Variants in DBP observed in about 807,000 individuals in gnomAD.
The protein encoded by DBP is D-box binding PAR bZIP transcription factor.
A neutral mutation model predicts 21.4 loss-of-function variants in DBP; 12 were observed. The observed-to-expected ratio is 0.56, with a 90% CI of 0.36 to 0.91. The LOEUF is 0.91. Ranked by LOEUF, DBP falls within the 40% of genes least tolerant of loss-of-function variation. The pLI is 0.01. For synonymous variants in DBP, 213 were observed against 224.9 expected (o/e 0.95, Z 0.47); for missense variants, 423 against 473.4 (o/e 0.89, Z 0.99).
rs1276470161 is a variant in DBP at position 48,637,306 on chromosome 19, G to A, written c.-312C>T. ...CTCAAGGCGCTCCTTCTACAAGGTG[G>A]GCGAGCCTGGCTCTTGCAAAATCTG... On this transcript the variant is annotated 5_prime_UTR_variant, in exon 1 of 4. Transcript: ENST00000222122. The A allele has an allele frequency of 3.0e-6, 1 of 332,430 alleles. No homozygotes were observed. The highest frequency in any genetic ancestry group is 2.1e-5 in the African/African-American group (1 of 47,126). The allele number at this position is 332,430 out of a possible 1,614,324, so 20.6% of individuals were successfully genotyped here. A position where few individuals can be genotyped will look rare whatever the true frequency, so the allele number is the denominator to read the frequency against.
rs2301139 is a variant in DBP, at chr19:48,630,504, C to T, written c.*333G>A. 0.051 allele frequency: 78,390 copies of T among 1,530,384 alleles called. 3,891 individuals are homozygous for T. The highest frequency in any genetic ancestry group is 0.23 in the East Asian group (9,508 of 40,868). 94.8% of individuals were successfully genotyped at this position (1,530,384 alleles called of 1,614,324 possible). A position where few individuals can be genotyped will look rare whatever the true frequency, so the allele number is the denominator to read the frequency against. On this transcript the variant is annotated 3_prime_UTR_variant, in exon 4 of 4. Coordinates refer to ENST00000222122, the MANE Select transcript of DBP (RefSeq NM_001352.5). The surrounding 1 kb of genome is among the most constrained non-coding windows in gnomAD (Gnocchi z 4.9). The stretch of plus-strand genomic sequence containing the variant: ...TCTATGGACGACAGCCCGGAGCTGC[C>T]CACGGGCTGCAGCCAGTATGCCAGG...
chr19:48,630,040 G>A lies in DBP; in HGVS notation c.*797C>T. On this transcript the variant is annotated 3_prime_UTR_variant, in exon 4 of 4. Transcript: ENST00000222122. The surrounding 1 kb of genome is among the most constrained non-coding windows in gnomAD (Gnocchi z 4.9). ...GATCTGGGGCCGCCCTTACGGGGCAGGGCTCAGTCCTGACGCTTGCCACCT... is the reference window on the plus strand; with the variant it reads ...GATCTGGGGCCGCCCTTACGGGGCAAGGCTCAGTCCTGACGCTTGCCACCT... The A allele has an allele frequency of 7.5e-7, 1 of 1,337,520 alleles. No homozygotes were observed. Among genetic ancestry groups the A allele is most frequent in the Non-Finnish European group, 9.6e-7 (1 of 1,046,230 alleles). 82.9% of individuals were successfully genotyped at this position (1,337,520 alleles called of 1,614,324 possible).
In DBP at chr19:48,630,243, G is replaced by T; in HGVS notation, c.*594C>A. The stretch of plus-strand genomic sequence containing the variant: ...TGGCCAATCAGCCCAGGAGGGGCAG[G>T]TTCCCCGGGGCCGGCGCTAGGATTT... On this transcript the variant is annotated 3_prime_UTR_variant, in exon 4 of 4. Coordinates refer to ENST00000222122, the MANE Select transcript of DBP (RefSeq NM_001352.5). The surrounding 1 kb of genome is among the most constrained non-coding windows in gnomAD (Gnocchi z 4.9). The T allele has an allele frequency of 7.8e-7, 1 of 1,276,812 alleles. No homozygotes were observed. Among genetic ancestry groups the T allele is most frequent in the Non-Finnish European group, 9.9e-7 (1 of 1,011,908 alleles). The allele number at this position is 1,276,812 out of a possible 1,614,324, so 79.1% of individuals were successfully genotyped here.
In DBP at chr19:48,633,648, G is replaced by A. The variant is rs1417921223; in HGVS notation, c.558C>T (p.Thr186=). The A allele has an allele frequency of 6.2e-7, 1 of 1,613,856 alleles. No individual in the cohort carries two copies. Among genetic ancestry groups the A allele is most frequent in the Non-Finnish European group, 8.5e-7 (1 of 1,180,002 alleles). ...CCACAGGGCTGGGTGTGTCCCGAGA[G>A]GTCAGGCCTTGGGGAAACAGCACGT... The part of the protein sequence containing the change: ...GTASGHRAGL[T]SRDTPSPVDP... The change falls in exon 3 of 4, where the codon ACC becomes ACT. Residue 186 remains threonine, a synonymous_variant. Transcript: ENST00000222122.
chr19:48,635,540 CCCCGCCCCGTCAGGA>C (rs1360414252), intron 2 of DBP, 25 bp downstream of exon 2: 6 of 1,451,020 alleles, frequency 4.1e-6, no homozygotes, highest in South Asian at 2.6e-5. Flanking sequence ...TGAGTCCAAG[CCCCGCCCCGTCAGGA>C]CCCGCCCCGC....
In DBP at chr19:48,633,566, G is replaced by A; in HGVS notation, c.640C>T (p.Leu214=). The part of the protein sequence containing the change: ...TFEPDPADLA[L]SSIPGHETFD... The stretch of plus-strand genomic sequence containing the variant: ...GTCTCGTGGCCAGGAATGCTTGATA[G>A]GGCAAGATCAGCTGGGTCGGGTTCA... Residue 214 remains leucine (L), a synonymous_variant, in exon 3 of 4, where the codon CTA becomes TTA. Coordinates refer to ENST00000222122, the MANE Select transcript of DBP (RefSeq NM_001352.5). 1 of 1,614,214 alleles carries A rather than the reference G, an allele frequency of 6.2e-7. No homozygotes were observed. The highest frequency in any genetic ancestry group is 8.5e-7 in the Non-Finnish European group (1 of 1,180,038).
intron 1 of DBP, among the ~76,000 whole-genome samples, chr19:48,636,218 G>C (rs576092858): frequency 6.6e-6 from 1 of 152,182 alleles, no homozygotes; most frequent in South Asian, 2.1e-4. Context: ...ACAGAGATGG[G>C]GACAGAATGC....
At position 48,633,522 on chromosome 19, in the gene DBP, A is replaced by G. The variant is rs1601179571; in HGVS notation, c.684T>C (p.His228=). Residue 228 remains histidine (H), a synonymous_variant, in exon 3 of 4, where the codon CAT becomes CAC. Coordinates refer to ENST00000222122, the MANE Select transcript of DBP (RefSeq NM_001352.5). ...PGHETFDPRR[H]RFSEEELKPQ... Reference sequence around the variant, plus strand: ...GCTTAAGTTCCTCTTCTGAGAAGCGATGTCTTCGAGGGTCAAAGGTCTCGT... The same window carrying G: ...GCTTAAGTTCCTCTTCTGAGAAGCGGTGTCTTCGAGGGTCAAAGGTCTCGT... The G allele has an allele frequency of 6.2e-7, 1 of 1,613,986 alleles. No individual in the cohort carries two copies. The highest frequency in any genetic ancestry group is 1.7e-5 in the Admixed American group (1 of 59,990).
At chr19:48,631,285 C>T in intron 3 of DBP, 1 of 562,738 alleles carries the variant, frequency 1.8e-6, no homozygotes, top group Non-Finnish European at 3.2e-6. Flanking sequence ...CTCCACTCTG[C>T]AAAGCGGACC....
chr19:48,633,682 A>G (rs1374289210), intron 2 of DBP, 27 bp from the exon 3 acceptor site: 1 of 1,598,978 alleles, frequency 6.3e-7, no homozygotes, highest in Admixed American at 1.7e-5. Flanking sequence ...GTGTCAGCTG[A>G]GTGTGTATTT....
chr19:48,633,452 C>T lies in DBP; in HGVS notation c.754G>A (p.Glu252Lys). ...KKARKIQVPE[E>K]QKDEKYWSRR... Reference sequence around the variant, plus strand: ...CATCCAGCTCTGCTCACCTTCTGCTCCTCCGGCACCTGGATTTTTCTTGCC... The same window carrying T: ...CATCCAGCTCTGCTCACCTTCTGCTTCTCCGGCACCTGGATTTTTCTTGCC... The change falls in exon 3 of 4, where the codon GAG becomes AAG. Residue 252 changes from glutamate (E) to lysine (K), a missense_variant. Physicochemically the swap from Glu to Lys is moderately conservative, Grantham distance 56. Around this residue, in one of 4 missense-constraint regions of DBP, gnomAD observed 77 missense variants for 97.1 expected, o/e 0.79. Coordinates refer to ENST00000222122, the MANE Select transcript of DBP (RefSeq NM_001352.5). 6.2e-7 allele frequency: 1 copy of T among 1,614,192 alleles called. No individual in the cohort carries two copies. The highest frequency in any genetic ancestry group is 1.1e-5 in the South Asian group (1 of 91,088).
In DBP at chr19:48,630,335, G is replaced by A; in HGVS notation, c.*502C>T. The A allele has an allele frequency of 1.5e-6, 2 of 1,306,384 alleles. No individual in the cohort carries two copies. The highest frequency in any genetic ancestry group is 2.3e-5 in the South Asian group (1 of 42,728). The allele number at this position is 1,306,384 out of a possible 1,614,324, so 80.9% of individuals were successfully genotyped here. A position where few individuals can be genotyped will look rare whatever the true frequency, so the allele number is the denominator to read the frequency against. On this transcript the variant is annotated 3_prime_UTR_variant, in exon 4 of 4. Coordinates refer to ENST00000222122, the MANE Select transcript of DBP (RefSeq NM_001352.5). The surrounding 1 kb of genome is among the most constrained non-coding windows in gnomAD (Gnocchi z 4.9). ...CATATCCCCTGTTCGTCTCATGCGC[G>A]TCCTCCGTCCCCAATCTAAAAAGCA...
Position 48,635,647 on chromosome 19 carries a change from G to A in DBP, c.483C>T (p.Ser161=), listed in dbSNP as rs921890064. The A allele has an allele frequency of 3.0e-5, 40 of 1,318,056 alleles. No homozygotes were observed. The highest frequency in any genetic ancestry group is 5.5e-4 in the Middle Eastern group (2 of 3,646). 81.6% of individuals were successfully genotyped at this position (1,318,056 alleles called of 1,614,324 possible). ...GGGCGTGCCCAGGAGAGGAGCGGGG[G>A]GAAGCCGAGCCGCACGAACCCGGCC... ...SPGPGSCGSA[S]PRSSPGHAPA... The change falls in exon 2 of 4, where the codon TCC becomes TCT. Residue 161 remains serine, a synonymous_variant. Coordinates refer to ENST00000222122, the MANE Select transcript of DBP (RefSeq NM_001352.5).
chr19:48,631,730 T>C (rs998659499), intron 3 of DBP: 10 of 152,088 alleles, frequency 6.6e-5, no homozygotes, highest in African/African-American at 2.4e-4. Flanking sequence ...CCTAAAGTCC[T>C]CCCATCCTGG....
intron 2 of DBP, chr19:48,634,659 G>A (rs1328861610): frequency 2.0e-6 from 2 of 982,382 alleles, no homozygotes; most frequent in Non-Finnish European, 2.4e-6. Flanking sequence ...GCGCTTGAAG[G>A]CGCCTGCGCG....
rs1306870785 is a variant in DBP at position 48,636,814 on chromosome 19, G to T, written c.139+42C>A. ...CCCACGGCACCTGAGTCCCTAAGGG[G>T]GTAGGGTGTCCGAAGTGGGTGAGAT... On this transcript the variant is annotated intron_variant, in intron 1 of 3. Transcript: ENST00000222122. The T allele has an allele frequency of 2.5e-6, 4 of 1,606,386 alleles. No homozygotes were observed. The African/African-American group carries it at 5.3e-5, about 21-fold the overall frequency.
At chr19:48,634,679 G>T (rs2030717818) in intron 2 of DBP, 1 of 985,382 alleles carries the variant, frequency 1.0e-6, no homozygotes, top group Non-Finnish European at 1.2e-6. Context: ...GAAGCGCGGA[G>T]GAGGGATGGG....
In DBP at chr19:48,635,310, C is replaced by G. The variant is rs2030740286; in HGVS notation, c.550+270G>C. On this transcript the variant is annotated intron_variant, in intron 2 of 3. Coordinates refer to ENST00000222122, the MANE Select transcript of DBP (RefSeq NM_001352.5). ...TTCACGAGTATCCACATCGTTTGTC[C>G]CCAAGTCCCACAGAAAAACCCACAA... The G allele has an allele frequency of 3.9e-6, 5 of 1,267,608 alleles. No homozygotes were observed. The South Asian group carries it at 8.0e-5, about 20-fold the overall frequency. The allele number at this position is 1,267,608 out of a possible 1,614,324, so 78.5% of individuals were successfully genotyped here. A position where few individuals can be genotyped will look rare whatever the true frequency, so the allele number is the denominator to read the frequency against.
At chr19:48,631,460 T>C (rs2030583168) in intron 3 of DBP, 1 of 171,662 alleles carries the variant, frequency 5.8e-6, no homozygotes, top group Admixed American at 5.6e-5. Context: ...TAAGGAAAGC[T>C]TGGTGCCCTG....
Sources: allele counts gnomAD v4.1 joint callset (sites outside exome capture counted in the v4.1 genomes callset), GRCh38; gene constraint gnomAD v4.1.1; regional missense constraint gnomAD v4.1.1; non-coding constraint Gnocchi (gnomAD v3.1); transcripts MANE v1.5; gene names NCBI Gene and HGNC (gene_info 2026-07-23, HGNC 2026-07-21).